DMRT1: variants seen among roughly 807,000 people sequenced by gnomAD.
The protein encoded by DMRT1 is doublesex and mab-3 related transcription factor 1, also known as doublesex- and mab-3-related transcription factor 1.
In DMRT1, 7 loss-of-function variants were observed where a neutral mutation model predicts 32.3. That is an observed-to-expected ratio of 0.22 (90% confidence interval 0.12 to 0.41). The LOEUF (loss-of-function observed/expected upper bound fraction) is 0.41, where lower values mean the gene tolerates loss of function less well. Among genes scored for constraint, DMRT1 ranks in the 10% least tolerant of loss-of-function variants. The pLI, the probability that DMRT1 is intolerant of heterozygous loss-of-function variation, is 1.00. For synonymous variants in DMRT1, 278 were observed against 206.1 expected, an observed-to-expected ratio of 1.35 and a Z score of -2.99; for missense variants, 625 against 500.5, an observed-to-expected ratio of 1.25 and a Z score of -2.37.
intron 3 of DMRT1, among the ~76,000 whole-genome samples, chr9:901,791 T>G (rs1817586691): frequency 6.6e-6 from 1 of 151,964 alleles, no homozygotes; most frequent in Non-Finnish European, 1.5e-5. Context: ...GAACCTGCCC[T>G]GGGCCCTCTC....
intron 4 of DMRT1, among the ~76,000 whole-genome samples, chr9:945,733 AT>A (rs1819219879): frequency 6.8e-6 from 1 of 147,254 alleles, no homozygotes; most frequent in South Asian, 2.1e-4. Flanking sequence ...TTAAAAAAAA[AT>A]ACACACTTTT....
intron 4 of DMRT1, among the ~76,000 whole-genome samples, chr9:943,592 T>A (rs1819147656): frequency 6.6e-6 from 1 of 152,198 alleles, no homozygotes; most frequent in Non-Finnish European, 1.5e-5. Flanking sequence ...GTGCTGATAA[T>A]TATTTTTATT....
chr9:929,859 G>T (rs1055487308), intron 4 of DMRT1, among the ~76,000 whole-genome samples: 1 of 152,074 alleles, frequency 6.6e-6, no homozygotes, highest in Non-Finnish European at 1.5e-5. Context: ...GTTAGTGTCT[G>T]GGCCTAGCAT....
At chr9:927,077 C>T (rs915277919) in intron 4 of DMRT1, among the ~76,000 whole-genome samples, 2 of 152,206 alleles carry the variant, frequency 1.3e-5, no homozygotes, top group Admixed American at 6.5e-5. Context: ...TGACCTGAAT[C>T]CACAGGGCCC....
intron 4 of DMRT1, among the ~76,000 whole-genome samples, chr9:938,653 C>A (rs951081362): frequency 3.9e-5 from 6 of 152,032 alleles, no homozygotes; most frequent in African/African-American, 9.7e-5. Flanking sequence ...TTTGTGGATT[C>A]TCTAGTATTT....
At chr9:925,643 T>C (rs915772016) in intron 4 of DMRT1, among the ~76,000 whole-genome samples, 1 of 152,214 alleles carries the variant, frequency 6.6e-6, no homozygotes, top group Non-Finnish European at 1.5e-5. Flanking sequence ...CCTGTGTTTT[T>C]CTCTTCATTT....
intron 2 of DMRT1, among the ~76,000 whole-genome samples, chr9:892,828 C>G (rs1586577352): frequency 6.6e-6 from 1 of 152,188 alleles, no homozygotes; most frequent in Non-Finnish European, 1.5e-5. Context: ...CTTTTCTCAT[C>G]CAGTTCCTCA....
At chr9:952,414 A>G (rs1819457179) in intron 4 of DMRT1, among the ~76,000 whole-genome samples, 1 of 152,214 alleles carries the variant, frequency 6.6e-6, no homozygotes, top group Admixed American at 6.5e-5. Context: ...TCTAAAATTT[A>G]TACTTTTAAA....
chr9:914,519 A>T (rs942577779), intron 3 of DMRT1, among the ~76,000 whole-genome samples: 2 of 134,826 alleles, frequency 1.5e-5, no homozygotes, highest in African/African-American at 5.4e-5. Context: ...GCTTGCAATG[A>T]GCCAATATCA....
chr9:920,664 G>T (rs10117069), intron 4 of DMRT1, among the ~76,000 whole-genome samples: 3 of 151,996 alleles, frequency 2.0e-5, no homozygotes, highest in East Asian at 1.9e-4. Context: ...TTCAAGGAAG[G>T]GCCTTGGCTC....
At chr9:854,440 T>C (rs1467482612) in intron 2 of DMRT1, among the ~76,000 whole-genome samples, 2 of 151,876 alleles carry the variant, frequency 1.3e-5, no homozygotes, top group Admixed American at 6.5e-5. Flanking sequence ...CATGCAACCA[T>C]GCCTGGCTAA....
intron 4 of DMRT1, among the ~76,000 whole-genome samples, chr9:922,231 A>T (rs1818377693): frequency 6.6e-6 from 1 of 152,118 alleles, no homozygotes; most frequent in African/African-American, 2.4e-5. Flanking sequence ...ATTTTGCCAA[A>T]GTACCAGACC....
intron 3 of DMRT1, among the ~76,000 whole-genome samples, chr9:909,560 A>G (rs1010829099): frequency 2.0e-5 from 3 of 152,132 alleles, no homozygotes; most frequent in African/African-American, 4.8e-5. Context: ...CAGCCTTCAC[A>G]CCCAGCACCA....
In DMRT1 at chr9:965,711, C is replaced by T. The variant is rs1464849140; in HGVS notation, c.968-2274C>T. Among the ~76,000 whole-genome samples, 2 of 152,254 alleles carry T rather than the reference C, an allele frequency of 1.3e-5. No individual in the cohort carries two copies. Among genetic ancestry groups the T allele is most frequent in the Admixed American group, 6.5e-5 (1 of 15,300 alleles). Reference sequence around the variant, plus strand: ...CCTCTGCATCAGCTTGGCAAAGGTCCGTTGCTTTGCCTCCTTAAACTCACA... The same window carrying T: ...CCTCTGCATCAGCTTGGCAAAGGTCTGTTGCTTTGCCTCCTTAAACTCACA... On this transcript the variant is annotated intron_variant, in intron 4 of 4. Coordinates refer to ENST00000382276, the MANE Select transcript of DMRT1 (RefSeq NM_021951.3). This position sits in a 1 kb window ranked among gnomAD's most constrained non-coding sequence, Gnocchi z 4.5.
At chr9:918,813 A>T (rs1408185887) in intron 4 of DMRT1, among the ~76,000 whole-genome samples, 4 of 152,248 alleles carry the variant, frequency 2.6e-5, no homozygotes, top group African/African-American at 7.2e-5. Flanking sequence ...GCTAATTTTT[A>T]ACAGAAGGCT....
chr9:901,563 G>C (rs186049839), intron 3 of DMRT1, among the ~76,000 whole-genome samples: 1 of 152,214 alleles, frequency 6.6e-6, no homozygotes, highest in East Asian at 1.9e-4. Flanking sequence ...CTGACCTCAG[G>C]TGATCCGCCT....
intron 3 of DMRT1, among the ~76,000 whole-genome samples, chr9:911,783 C>T (rs72699292): frequency 0.011 from 1,714 of 152,244 alleles, 33 homozygotes; most frequent in African/African-American, 0.039. Context: ...TGAGCCACCG[C>T]GCCCATCCAT....
At chr9:851,277 C>T (rs1443556783) in intron 2 of DMRT1, among the ~76,000 whole-genome samples, 3 of 152,068 alleles carry the variant, frequency 2.0e-5, no homozygotes, top group Admixed American at 6.6e-5. Context: ...CTCGCTCTAT[C>T]GCCCAGGCTG....
chr9:940,413 G>C (rs1450376986), intron 4 of DMRT1, among the ~76,000 whole-genome samples: 1 of 152,080 alleles, frequency 6.6e-6, no homozygotes, highest in Non-Finnish European at 1.5e-5. Flanking sequence ...CACATGTATG[G>C]TCAAATGATT....
Sources: gnomAD v4.1 joint callset for allele counts (sites outside exome capture counted in the v4.1 genomes callset) on GRCh38, gnomAD v4.1.1 for gene constraint, Gnocchi (gnomAD v3.1) non-coding constraint, MANE v1.5 for transcripts, NCBI Gene and HGNC (gene_info 2026-07-23, HGNC 2026-07-21) for gene names.